The following CHERP variants were observed in gnomAD, a reference collection of about 807,000 sequenced individuals.
CHERP encodes the protein calcium homeostasis endoplasmic reticulum protein.
CHERP carries 8 observed loss-of-function variants against 113.8 expected under a neutral mutation model. The ratio of observed to expected loss-of-function variants is 0.07; its 90% CI spans 0.04 to 0.13. CHERP has a LOEUF of 0.13. CHERP is among the 10% of genes least tolerant of loss of function. CHERP has a pLI of 1.00. For missense variants in CHERP, 884 were observed against 1,298.2 expected, an observed-to-expected ratio of 0.68 and a Z score of 4.90; for synonymous variants, 559 against 524.5, an observed-to-expected ratio of 1.07 and a Z score of -0.90.
intron 8 of CHERP, among the ~76,000 whole-genome samples, chr19:16,529,147 C>A (rs1471712596): frequency 6.6e-6 from 1 of 152,162 alleles, no homozygotes; most frequent in Non-Finnish European, 1.5e-5. Flanking sequence ...ATCCTCCCAC[C>A]TCAGCCCCCA....
Position 16,530,237 on chromosome 19 carries a change from CA to C in CHERP, c.877-338del, listed in dbSNP as rs2085690714. Among the ~76,000 whole-genome samples the C allele has an allele frequency of 6.6e-6, 1 of 152,272 alleles. No homozygotes were observed. Among genetic ancestry groups the C allele is most frequent in the Non-Finnish European group, 1.5e-5 (1 of 68,040 alleles). The stretch of plus-strand genomic sequence containing the variant: ...CTCATGGGCTCTGCCTCCCACTCGC[CA>C]TGTGGCTCTCAGCAAGAGGGGCTGC... On this transcript the variant is annotated intron_variant, in intron 7 of 16. Coordinates refer to ENST00000546361, the MANE Select transcript of CHERP (RefSeq NM_006387.6). The surrounding 1 kb of genome is among the most constrained non-coding windows in gnomAD (Gnocchi z 4.1).
chr19:16,533,037 C>T lies in CHERP; in HGVS notation c.496G>A (p.Asp166Asn), dbSNP rs1330044002. The stretch of plus-strand genomic sequence containing the variant: ...GAGATGGCGTCCTTGGTGCACGTGT[C>T]GATGATGGGCTGCAGGAGGTTGTCA... ...EFDNLLQPII[D>N]TCTKDAISAG... is the part of the protein sequence containing the mutation. The change falls in exon 4 of 17, where the codon GAC becomes AAC. Residue 166 changes from aspartate (D) to asparagine (N), a missense_variant. Asp to Asn is a conservative substitution (Grantham distance 23). Transcript: ENST00000546361. 1.9e-6 allele frequency: 3 copies of T among 1,569,214 alleles called. No individual in the cohort carries two copies. The highest frequency in any genetic ancestry group is 1.2e-5 in the South Asian group (1 of 85,488).
At position 16,535,362 on chromosome 19, in the gene CHERP, G is replaced by A. The variant is rs1042337389; in HGVS notation, c.384+90C>T. The stretch of plus-strand genomic sequence containing the variant: ...TGGCAGGGGGGGCCCTGTCCTCACT[G>A]ACACCTGTTATTCATTCTGATGAGC... On this transcript the variant is annotated intron_variant, in intron 3 of 16. Transcript: ENST00000546361. The surrounding 1 kb of genome is among the most constrained non-coding windows in gnomAD (Gnocchi z 4.3). The A allele has an allele frequency of 2.1e-6, 3 of 1,411,202 alleles. No homozygotes were observed. Among genetic ancestry groups the A allele is most frequent in the Admixed American group, 4.0e-5 (2 of 49,752 alleles). The allele number at this position is 1,411,202 out of a possible 1,614,324, so 87.4% of individuals were successfully genotyped here.
At chr19:16,529,344 C>T (rs756749412) in intron 8 of CHERP, among the ~76,000 whole-genome samples, 3 of 152,172 alleles carry the variant, frequency 2.0e-5, no homozygotes, top group Non-Finnish European at 1.5e-5. Context: ...TGTGCATTGT[C>T]CTTCCTGCCT....
intron 1 of CHERP, 27 bp downstream of exon 1, chr19:16,542,327 C>T: frequency 2.1e-6 from 3 of 1,409,884 alleles, no homozygotes; most frequent in East Asian, 2.8e-5. Flanking sequence ...GAGAGAGAAA[C>T]GGTCTCTCGG....
In CHERP at chr19:16,535,410, G is replaced by A. The variant is rs1367351803; in HGVS notation, c.384+42C>T. 9.5e-6 allele frequency: 15 copies of A among 1,585,428 alleles called. No individual in the cohort carries two copies. Among genetic ancestry groups the A allele is most frequent in the Admixed American group, 1.8e-5 (1 of 56,350 alleles). On this transcript the variant is annotated intron_variant, in intron 3 of 16. Coordinates refer to ENST00000546361, the MANE Select transcript of CHERP (RefSeq NM_006387.6). This position sits in a 1 kb window ranked among gnomAD's most constrained non-coding sequence, Gnocchi z 4.3. The stretch of plus-strand genomic sequence containing the variant: ...AGCAGACGCAAAAACAGAGGCACAG[G>A]GGAGCTGCTGGTGTCTGGCCGAGGA...
chr19:16,539,182 C>T (rs2085760652), intron 2 of CHERP, among the ~76,000 whole-genome samples: 1 of 145,982 alleles, frequency 6.9e-6, no homozygotes, highest in South Asian at 2.2e-4. Context: ...GAGTCTCGCT[C>T]TGTCGCCCAG....
Position 16,520,118 on chromosome 19 carries a change from T to A in CHERP, c.2462+31A>T. The stretch of plus-strand genomic sequence containing the variant: ...GCAAAGCACCGCAGCTTCCCAGAGT[T>A]ACCAGCGCAGCACTTAAGACAGGAT... On this transcript the variant is annotated intron_variant, in intron 15 of 16. Transcript: ENST00000546361. The surrounding 1 kb of genome is among the most constrained non-coding windows in gnomAD (Gnocchi z 4.0). The A allele has an allele frequency of 1.3e-6, 2 of 1,596,318 alleles. No individual in the cohort carries two copies. Among genetic ancestry groups the A allele is most frequent in the Non-Finnish European group, 1.7e-6 (2 of 1,166,366 alleles).
intron 2 of CHERP, among the ~76,000 whole-genome samples, chr19:16,538,722 T>G (rs954191858): frequency 4.6e-5 from 7 of 151,654 alleles, no homozygotes; most frequent in African/African-American, 1.7e-4. Context: ...TCAATCTTCC[T>G]GGGCTATAAG....
At chr19:16,521,972 C>T (rs1223167359) in intron 11 of CHERP, among the ~76,000 whole-genome samples, 4 of 152,220 alleles carry the variant, frequency 2.6e-5, no homozygotes. Context: ...ATGCAGCGGG[C>T]CCCTCACGTC....
intron 11 of CHERP, among the ~76,000 whole-genome samples, chr19:16,522,605 T>A (rs2085627138): frequency 6.6e-6 from 1 of 151,996 alleles, no homozygotes; most frequent in African/African-American, 2.4e-5. Flanking sequence ...GCTCCGGCCA[T>A]CCCACAGTGG....
rs1286064362 is a variant in CHERP, at chr19:16,525,838, C to T, written c.1306-161G>A. Among the ~76,000 whole-genome samples the T allele has an allele frequency of 6.6e-6, 1 of 151,970 alleles. No individual in the cohort carries two copies. Among genetic ancestry groups the T allele is most frequent in the Non-Finnish European group, 1.5e-5 (1 of 67,842 alleles). Reference sequence around the variant, plus strand: ...CGCTGACGCCTGCGAGGATGCTGGGCACCTGCTCTCAGCCCGCACCACATG... The same window carrying T: ...CGCTGACGCCTGCGAGGATGCTGGGTACCTGCTCTCAGCCCGCACCACATG... On this transcript the variant is annotated intron_variant, in intron 9 of 16. Coordinates refer to ENST00000546361, the MANE Select transcript of CHERP (RefSeq NM_006387.6). This position sits in a 1 kb window ranked among gnomAD's most constrained non-coding sequence, Gnocchi z 6.5.
chr19:16,521,430 C>A (rs1181576035), intron 12 of CHERP, 91 bp downstream of exon 12: 2 of 1,305,900 alleles, frequency 1.5e-6, no homozygotes, highest in Admixed American at 2.9e-5. Flanking sequence ...GGGACAGCCA[C>A]ATTTTCTAGC....
Position 16,519,583 on chromosome 19 carries a change from A to G in CHERP, c.2557+38T>C. ...GTGACTCCCGGGCCCAGCACGCGTG[A>G]GGACCCATCCCGCGCCCTCCCCATT... is the stretch of plus-strand genomic sequence containing the variant. On this transcript the variant is annotated intron_variant, in intron 16 of 16. Transcript: ENST00000546361. This position sits in a 1 kb window ranked among gnomAD's most constrained non-coding sequence, Gnocchi z 6.0. The G allele has an allele frequency of 6.4e-7, 1 of 1,556,722 alleles. No individual in the cohort carries two copies. The highest frequency in any genetic ancestry group is 8.9e-7 in the Non-Finnish European group (1 of 1,128,096).
In CHERP at chr19:16,535,620, C is replaced by T; in HGVS notation, c.216G>A (p.Gln72=). ...LEQQQLICKQ[Q]TPELEPAATM... is the part of the protein sequence containing the mutation. Reference sequence around the variant, plus strand: ...TGGCGGCTGGCTCCAGCTCCGGGGTCTGCTGCTTGCAGATGACTGGAGGGA... The same window carrying T: ...TGGCGGCTGGCTCCAGCTCCGGGGTTTGCTGCTTGCAGATGACTGGAGGGA... Residue 72 remains glutamine, a synonymous_variant, in exon 3 of 17, where the codon CAG becomes CAA. Coordinates refer to ENST00000546361, the MANE Select transcript of CHERP (RefSeq NM_006387.6). The surrounding 1 kb of genome is among the most constrained non-coding windows in gnomAD (Gnocchi z 4.3). 5 of 1,527,220 alleles carry T rather than the reference C, an allele frequency of 3.3e-6. No homozygotes were observed. Among genetic ancestry groups the T allele is most frequent in the Non-Finnish European group, 3.5e-6 (4 of 1,139,012 alleles). 94.6% of individuals were successfully genotyped at this position (1,527,220 alleles called of 1,614,324 possible).
rs375627165 is a variant in CHERP, at chr19:16,533,119, C to G, written c.414G>C (p.Ala138=). 1.5e-5 allele frequency: 24 copies of G among 1,586,964 alleles called. No individual in the cohort carries two copies. The highest frequency in any genetic ancestry group is 2.1e-5 in the Non-Finnish European group (24 of 1,166,972). Residue 138 remains alanine (A), a synonymous_variant, in exon 4 of 17, where the codon GCG becomes GCC. Transcript: ENST00000546361. ...GAAGCTTCTGCATCTGCTGCTCCAC[C>G]GCGTGGGCCACGGCCGCTGTCACTT... is the stretch of plus-strand genomic sequence containing the variant. ...QEQVTAAVAH[A]VEQQMQKLLE...
At chr19:16,524,766 TTTG>T (rs953806904) in intron 10 of CHERP, among the ~76,000 whole-genome samples, 1 of 151,716 alleles carries the variant, frequency 6.6e-6, no homozygotes, top group Non-Finnish European at 1.5e-5. Flanking sequence ...AAAGTAGTTT[TTTG>T]TTTTTTTTTT....
Position 16,530,460 on chromosome 19 carries a change from A to C in CHERP, c.876+125T>G, listed in dbSNP as rs113842776. ...TGGTCAACACACACTGGCTACTCCTAGCACAGGCAGGGGACATGGGCTCTC... is the reference window on the plus strand; with the variant it reads ...TGGTCAACACACACTGGCTACTCCTCGCACAGGCAGGGGACATGGGCTCTC... On this transcript the variant is annotated intron_variant, in intron 7 of 16. Transcript: ENST00000546361. This position sits in a 1 kb window ranked among gnomAD's most constrained non-coding sequence, Gnocchi z 4.1. 6,855 of 851,582 alleles carry C rather than the reference A, an allele frequency of 8.0e-3. 44 individuals are homozygous for C. The highest frequency in any genetic ancestry group is 0.011 in the Non-Finnish European group (5,462 of 512,536). 52.8% of individuals were successfully genotyped at this position (851,582 alleles called of 1,614,324 possible). A position where few individuals can be genotyped will look rare whatever the true frequency, so the allele number is the denominator to read the frequency against.
rs1247776248 is a variant in CHERP at position 16,541,789 on chromosome 19, A to T, written c.199+81T>A. The T allele has an allele frequency of 1.3e-5, 19 of 1,412,542 alleles. No homozygotes were observed. The East Asian group carries it at 4.3e-4, about 32-fold the overall frequency. 87.5% of individuals were successfully genotyped at this position (1,412,542 alleles called of 1,614,324 possible). A position where few individuals can be genotyped will look rare whatever the true frequency, so the allele number is the denominator to read the frequency against. On this transcript the variant is annotated intron_variant, in intron 2 of 16. Coordinates refer to ENST00000546361, the MANE Select transcript of CHERP (RefSeq NM_006387.6). ...TCAAAGAATAAACGACCCGAAAGAA[A>T]GAGGTTTGTGGCAGAGCCCGGACTG...
Sources: gnomAD v4.1 joint callset for allele counts (sites outside exome capture counted in the v4.1 genomes callset) on GRCh38, gnomAD v4.1.1 for gene constraint, Gnocchi (gnomAD v3.1) non-coding constraint, MANE v1.5 for transcripts, NCBI Gene and HGNC (gene_info 2026-07-23, HGNC 2026-07-21) for gene names.